Variants in EED observed in about 807,000 individuals in gnomAD.
The protein encoded by EED is embryonic ectoderm development.
EED carries 9 observed loss-of-function variants against 61.0 expected under a neutral mutation model. That is an observed-to-expected ratio of 0.15 (90% CI 0.09 to 0.26). EED has a LOEUF of 0.26. Among genes scored for constraint, EED ranks in the 10% least tolerant of loss-of-function variants. The pLI is 1.00. For synonymous variants in EED, 187 were observed against 174.4 expected (o/e 1.07, Z -0.57); for missense variants, 315 against 542.3 (o/e 0.58, Z 4.16).
chr11:86,283,647 A>G (rs1946348988), downstream of EED, among the ~76,000 whole-genome samples: 1 of 152,248 alleles, frequency 6.6e-6, no homozygotes, highest in Admixed American at 6.5e-5. Flanking sequence ...TAGAACTTTT[A>G]CAAATGAAAA....
At chr11:86,255,954 G>C (rs1162850412) in intron 4 of EED, among the ~76,000 whole-genome samples, 1 of 152,162 alleles carries the variant, frequency 6.6e-6, no homozygotes, top group Non-Finnish European at 1.5e-5. Context: ...GTTGTATTGA[G>C]ACTGTCTCAC....
intron 3 of EED, among the ~76,000 whole-genome samples, chr11:86,253,145 G>A (rs1329721945): frequency 6.6e-6 from 1 of 152,172 alleles, no homozygotes; most frequent in East Asian, 1.9e-4. Context: ...AGTTACCACT[G>A]AAGTTGATAA....
At chr11:86,249,873 A>C (rs1462630859) in intron 1 of EED, among the ~76,000 whole-genome samples, 1 of 152,246 alleles carries the variant, frequency 6.6e-6, no homozygotes, top group Non-Finnish European at 1.5e-5. Flanking sequence ...AGTCAAATAC[A>C]TTATGAAGAC....
intron 9 of EED, chr11:86,276,133 T>C (rs1946222509): frequency 6.6e-6 from 1 of 152,178 alleles, no homozygotes; most frequent in Admixed American, 6.5e-5. Context: ...TTTAGTAGCA[T>C]CTTTGGCCTC....
At chr11:86,281,234 T>C (rs1470274356), downstream of EED, among the ~76,000 whole-genome samples, 1 of 152,240 alleles carries the variant, frequency 6.6e-6, no homozygotes, top group Non-Finnish European at 1.5e-5. Flanking sequence ...TTGGTATTAA[T>C]TCTTTAAATG....
chr11:86,282,422 T>C (rs1431307709), downstream of EED, among the ~76,000 whole-genome samples: 2 of 152,318 alleles, frequency 1.3e-5, no homozygotes, highest in South Asian at 2.1e-4. Context: ...GCATATCTTT[T>C]AATACATTTC....
rs926816492 is a variant in EED at position 86,268,577 on chromosome 11, T to C, written c.966+16T>C. 1.3e-6 allele frequency: 2 copies of C among 1,549,896 alleles called. No homozygotes were observed. Among genetic ancestry groups the C allele is most frequent in the Non-Finnish European group, 1.8e-6 (2 of 1,126,642 alleles). On this transcript the variant is annotated intron_variant, in intron 9 of 11. Transcript: ENST00000263360. ...ACTTTCTAAGGTATGGTAACTGCAG[T>C]TAAGCTGTACTTCCATCGTGTGTGT...
At chr11:86,283,724 G>A (rs934343919), downstream of EED, among the ~76,000 whole-genome samples, 2 of 152,092 alleles carry the variant, frequency 1.3e-5, no homozygotes, top group Admixed American at 6.5e-5. Flanking sequence ...AGAAATTAGT[G>A]AATTGGAGGT....
chr11:86,250,444 T>G lies in EED; in HGVS notation c.263T>G (p.Leu88Arg). 6.3e-7 allele frequency: 1 copy of G among 1,587,470 alleles called. No individual in the cohort carries two copies. Among genetic ancestry groups the G allele is most frequent in the Non-Finnish European group, 8.6e-7 (1 of 1,168,410 alleles). ...TATTCTTTCAAATGTGTAAATAGTCTCAAGGTATGTGCAAAAAAAGATCCT... is the reference window on the plus strand; with the variant it reads ...TATTCTTTCAAATGTGTAAATAGTCGCAAGGTATGTGCAAAAAAAGATCCT... ...CKYSFKCVNS[L>R]KEDHNQPLFG... The change falls in exon 2 of 12, where the codon CTC becomes CGC. Residue 88 changes from leucine to arginine, a missense_variant. Around this residue, in one of 2 missense-constraint regions of EED, gnomAD observed 205 missense variants for 455.4 expected, o/e 0.45. Coordinates refer to ENST00000263360, the MANE Select transcript of EED (RefSeq NM_003797.5).
chr11:86,262,682 T>C (rs1945864287), intron 6 of EED, among the ~76,000 whole-genome samples: 1 of 152,138 alleles, frequency 6.6e-6, no homozygotes, highest in South Asian at 2.1e-4. Flanking sequence ...CGCTAGTTTT[T>C]GTATTTTTTG....
In EED at chr11:86,277,143, C is replaced by A; in HGVS notation, c.1125+5C>A. On this transcript the variant is annotated splice_donor_5th_base_variant and intron_variant, in intron 10 of 11. Transcript: ENST00000263360. Reference sequence around the variant, plus strand: ...TCTATGGATTTCTGGCAAAAGGTATCAACATACTTTTACATTTTGAAATGA... The same window carrying A: ...TCTATGGATTTCTGGCAAAAGGTATAAACATACTTTTACATTTTGAAATGA... 1 of 1,562,740 alleles carries A rather than the reference C, an allele frequency of 6.4e-7. No individual in the cohort carries two copies. The highest frequency in any genetic ancestry group is 1.2e-5 in the South Asian group (1 of 82,860).
chr11:86,281,707 C>T (rs949784003), downstream of EED, among the ~76,000 whole-genome samples: 32 of 152,246 alleles, frequency 2.1e-4, no homozygotes, highest in Non-Finnish European at 3.5e-4. Flanking sequence ...AGTGGCTATT[C>T]GCAGGTGCAG....
At chr11:86,266,445 TTAG>T (rs1945981600) in intron 8 of EED, among the ~76,000 whole-genome samples, 2 of 152,248 alleles carry the variant, frequency 1.3e-5, no homozygotes, top group African/African-American at 4.8e-5. Flanking sequence ...TCATCTTAAC[TTAG>T]TAGCACATTT....
intron 9 of EED, among the ~76,000 whole-genome samples, chr11:86,274,101 CT>C (rs375116812): frequency 0.036 from 4,989 of 139,302 alleles, 234 homozygotes; most frequent in African/African-American, 0.12. Context: ...TGTCTTTTTT[CT>C]TTTTTTTTTT....
At position 86,277,024 on chromosome 11, in the gene EED, A is replaced by G; in HGVS notation, c.1011A>G (p.Glu337=). 2.6e-6 allele frequency: 4 copies of G among 1,546,766 alleles called. No homozygotes were observed. Among genetic ancestry groups the G allele is most frequent in the Admixed American group, 1.7e-5 (1 of 57,868 alleles). The change falls in exon 10 of 12, where the codon GAA becomes GAG. Residue 337 remains glutamate (E), a synonymous_variant. Coordinates refer to ENST00000263360, the MANE Select transcript of EED (RefSeq NM_003797.5). ...AIVCWKPGKM[E]DDIDKIKPSE... Reference sequence around the variant, plus strand: ...TGTGCTGGAAACCTGGCAAGATGGAAGATGATATAGATAAAATTAAACCCA... The same window carrying G: ...TGTGCTGGAAACCTGGCAAGATGGAGGATGATATAGATAAAATTAAACCCA...
chr11:86,269,413 G>C (rs1433723680), intron 9 of EED, among the ~76,000 whole-genome samples: 1 of 152,118 alleles, frequency 6.6e-6, no homozygotes, highest in Non-Finnish European at 1.5e-5. Flanking sequence ...GAGCATTTAG[G>C]ATTATCAAAT....
At chr11:86,264,909 T>C (rs1252607571) in intron 7 of EED, 2 of 152,234 alleles carry the variant, frequency 1.3e-5, no homozygotes, top group African/African-American at 4.8e-5. Flanking sequence ...TGTTTTCCAT[T>C]AAACTATGTA....
At chr11:86,268,419 T>G in intron 8 of EED, 37 bp from the exon 9 acceptor site, 2 of 1,383,008 alleles carry the variant, frequency 1.4e-6, no homozygotes, top group Non-Finnish European at 2.0e-6. Flanking sequence ...ACTATAATTT[T>G]TTCTTTTAAC....
chr11:86,267,395 A>G (rs1457043073), intron 8 of EED, among the ~76,000 whole-genome samples: 1 of 152,316 alleles, frequency 6.6e-6, no homozygotes, highest in Middle Eastern at 3.4e-3. Context: ...GCCTAAGACA[A>G]CTAATTCATG....
Sources: allele counts gnomAD v4.1 joint callset (sites outside exome capture counted in the v4.1 genomes callset), GRCh38; gene constraint gnomAD v4.1.1; regional missense constraint gnomAD v4.1.1; transcripts MANE v1.5; gene names NCBI Gene and HGNC (gene_info 2026-07-23, HGNC 2026-07-21).